The following ANKRD13A variants were observed in gnomAD, a reference collection of about 807,000 sequenced individuals.
The protein encoded by ANKRD13A is ankyrin repeat domain 13A.
Under a neutral mutation model 81.3 loss-of-function variants are expected in ANKRD13A, and 48 were observed. That is an observed-to-expected ratio of 0.59 (90% confidence interval 0.47 to 0.75). The LOEUF is 0.75. Among genes scored for constraint, ANKRD13A ranks in the 30% least tolerant of loss-of-function variants. The pLI is 0.00. For missense variants in ANKRD13A, 612 were observed against 734.0 expected (o/e 0.83, Z 1.92); for synonymous variants, 230 against 270.1 (o/e 0.85, Z 1.45).
rs967807666 is a variant in ANKRD13A, at chr12:110,013,192, C to T, written c.297C>T (p.Tyr99=). ...MVYTVLQHRD[Y]HNTSMALEGV... ...ACACAGTTCTCCAACATCGAGACTA[C>T]CACAACACATCCATGGCCCTTGAGG... Residue 99 remains tyrosine, a synonymous_variant, in exon 3 of 15, where the codon TAC becomes TAT. Transcript: ENST00000261739. 1.9e-6 allele frequency: 3 copies of T among 1,614,164 alleles called. No homozygotes were observed. The highest frequency in any genetic ancestry group is 2.5e-6 in the Non-Finnish European group (3 of 1,180,028).
rs374383170 is a variant in ANKRD13A at position 110,027,697 on chromosome 12, C to A, written c.884-8C>A. ...ATATTAGACTTTAAACTCCCTACCC[C>A]TCTGTAGCAGACAGGAACCCGCTGG... On this transcript the variant is annotated splice_polypyrimidine_tract_variant and splice_region_variant and intron_variant, in intron 8 of 14. Coordinates refer to ENST00000261739, the MANE Select transcript of ANKRD13A (RefSeq NM_033121.2). The A allele has an allele frequency of 1.2e-6, 2 of 1,613,900 alleles. No individual in the cohort carries two copies. The highest frequency in any genetic ancestry group is 1.3e-5 in the African/African-American group (1 of 74,914).
intron 1 of ANKRD13A, among the ~76,000 whole-genome samples, chr12:110,010,033 A>G (rs1890434186): frequency 2.0e-5 from 3 of 152,200 alleles, no homozygotes; most frequent in South Asian, 2.1e-4. Context: ...CGCCTGGCTA[A>G]TTTTTGTATT....
chr12:110,015,906 CTAATATT>C (rs961394049), intron 3 of ANKRD13A, among the ~76,000 whole-genome samples: 33 of 151,290 alleles, frequency 2.2e-4, no homozygotes, highest in African/African-American at 7.3e-4. Context: ...AAATAACACT[CTAATATT>C]TAATAAAATA....
chr12:110,001,319 GT>G (rs1183052180), intron 1 of ANKRD13A, among the ~76,000 whole-genome samples: 1 of 151,450 alleles, frequency 6.6e-6, no homozygotes, highest in Admixed American at 6.6e-5. Flanking sequence ...AATTGAGAAG[GT>G]TAGCATTACT....
rs891656544 is a variant in ANKRD13A, at chr12:109,999,998, A to G, written c.96+214A>G. 3.3e-5 allele frequency among the ~76,000 whole-genome samples: 5 copies of G among 152,048 alleles called. No homozygotes were observed. Among genetic ancestry groups the G allele is most frequent in the Non-Finnish European group, 5.9e-5 (4 of 68,010 alleles). On this transcript the variant is annotated intron_variant, in intron 1 of 14. Coordinates refer to ENST00000261739, the MANE Select transcript of ANKRD13A (RefSeq NM_033121.2). The surrounding 1 kb of genome is among the most constrained non-coding windows in gnomAD (Gnocchi z 4.3). Reference sequence around the variant, plus strand: ...ATCTTCTCTCTTCACCTTTCCAATAACGCTGGTGGGTAGGTACTGTTACTT... The same window carrying G: ...ATCTTCTCTCTTCACCTTTCCAATAGCGCTGGTGGGTAGGTACTGTTACTT...
intron 11 of ANKRD13A, among the ~76,000 whole-genome samples, chr12:110,030,166 T>C (rs1480212066): frequency 6.6e-6 from 1 of 151,962 alleles, no homozygotes; most frequent in African/African-American, 2.4e-5. Context: ...ACATAACTCA[T>C]TTTCTCTTTT....
At chr12:110,032,824 T>C (rs551791653) in intron 12 of ANKRD13A, 4 of 152,336 alleles carry the variant, frequency 2.6e-5, no homozygotes, top group African/African-American at 9.6e-5. Flanking sequence ...TAATGTTGAA[T>C]GAAGAAAATC....
chr12:110,018,442 C>T lies in ANKRD13A; in HGVS notation c.498C>T (p.Asn166=). 3 of 1,614,156 alleles carry T rather than the reference C, an allele frequency of 1.9e-6. No homozygotes were observed. Among genetic ancestry groups the T allele is most frequent in the Non-Finnish European group, 2.5e-6 (3 of 1,180,028 alleles). Residue 166 remains asparagine (N), a synonymous_variant, in exon 5 of 15, where the codon AAC becomes AAT. Coordinates refer to ENST00000261739, the MANE Select transcript of ANKRD13A (RefSeq NM_033121.2). This position sits in a 1 kb window ranked among gnomAD's most constrained non-coding sequence, Gnocchi z 4.4. The part of the protein sequence containing the change: ...RVDITLLGFE[N]MSWIRGRRSF... ...ATATCACATTGCTGGGATTTGAAAACATGAGCTGGATAAGAGGGAGGCGTA... is the reference window on the plus strand; with the variant it reads ...ATATCACATTGCTGGGATTTGAAAATATGAGCTGGATAAGAGGGAGGCGTA...
At position 110,013,114 on chromosome 12, in the gene ANKRD13A, T is replaced by C. The variant is rs1890613129; in HGVS notation, c.230-11T>C. 1 of 1,612,238 alleles carries C rather than the reference T, an allele frequency of 6.2e-7. No homozygotes were observed. ...AGTATGAGAATTAAATTTCACCCTT[T>C]TGTTTTCTAGTTTTACATGAGGCTG... is the stretch of plus-strand genomic sequence containing the variant. On this transcript the variant is annotated splice_polypyrimidine_tract_variant and intron_variant, in intron 2 of 14. Transcript: ENST00000261739.
chr12:110,023,758 A>G, intron 6 of ANKRD13A: 1 of 309,798 alleles, frequency 3.2e-6, no homozygotes, highest in Non-Finnish European at 6.0e-6. Flanking sequence ...CTGCTGTCCA[A>G]TAAATGTCAC....
In ANKRD13A at chr12:110,036,743, C is replaced by T. The variant is rs1409653058; in HGVS notation, c.1577+415C>T. On this transcript the variant is annotated intron_variant, in intron 14 of 14. Coordinates refer to ENST00000261739, the MANE Select transcript of ANKRD13A (RefSeq NM_033121.2). The surrounding 1 kb of genome is among the most constrained non-coding windows in gnomAD (Gnocchi z 4.6). ...CCAGCCTGGGCGATAGAGCGAGACT[C>T]CGTCTCAAAAAAAAAAAAGACTAAA... 6.6e-6 allele frequency among the ~76,000 whole-genome samples: 1 copy of T among 151,234 alleles called. No individual in the cohort carries two copies. The highest frequency in any genetic ancestry group is 2.4e-5 in the African/African-American group (1 of 40,840).
At chr12:110,021,051 T>C (rs910130135) in intron 6 of ANKRD13A, 1 of 444,014 alleles carries the variant, frequency 2.3e-6, no homozygotes, top group South Asian at 1.6e-5. Context: ...TGGGAAATGA[T>C]AGCATATTCC....
Position 110,018,544 on chromosome 12 carries a change from T to C in ANKRD13A, c.544+56T>C. ...TCAAGCAAAATTACAGGGTGATTTTTAACCAAGAAAATGCTTTCACATTCA... is the reference window on the plus strand; with the variant it reads ...TCAAGCAAAATTACAGGGTGATTTTCAACCAAGAAAATGCTTTCACATTCA... On this transcript the variant is annotated intron_variant, in intron 5 of 14. Coordinates refer to ENST00000261739, the MANE Select transcript of ANKRD13A (RefSeq NM_033121.2). The surrounding 1 kb of genome is among the most constrained non-coding windows in gnomAD (Gnocchi z 4.4). 1 of 1,579,570 alleles carries C rather than the reference T, an allele frequency of 6.3e-7. No homozygotes were observed. The highest frequency in any genetic ancestry group is 8.7e-7 in the Non-Finnish European group (1 of 1,155,916).
At chr12:110,016,471 A>G in intron 4 of ANKRD13A, 38 bp downstream of exon 4, 1 of 1,540,276 alleles carries the variant, frequency 6.5e-7, no homozygotes, top group African/African-American at 1.4e-5. Context: ...TTCTCTTTCT[A>G]AATTTACTTA....
chr12:110,012,027 G>A lies in ANKRD13A; in HGVS notation c.119G>A (p.Arg40Gln), dbSNP rs375280495. Residue 40 changes from arginine to glutamine, a missense_variant, in exon 2 of 15, where the codon CGA becomes CAA. Physicochemically the swap from Arg to Gln is conservative, Grantham distance 43. Coordinates refer to ENST00000261739, the MANE Select transcript of ANKRD13A (RefSeq NM_033121.2). ...QGQNVEAVDP[R>Q]GRTLLHLAVS... is the part of the protein sequence containing the mutation. ...CAGAATGTGGAGGCTGTGGACCCAC[G>A]AGGTCGAACATTATTGCATCTTGCT... The A allele has an allele frequency of 1.0e-4, 166 of 1,608,580 alleles. No individual in the cohort carries two copies. The highest frequency in any genetic ancestry group is 1.3e-4 in the Non-Finnish European group (156 of 1,175,480).
chr12:110,019,962 G>A (rs935144024), intron 6 of ANKRD13A, among the ~76,000 whole-genome samples: 3 of 152,188 alleles, frequency 2.0e-5, no homozygotes, highest in Admixed American at 1.3e-4. Flanking sequence ...GGCATGGGGG[G>A]GCCTTTGAGT....
chr12:110,023,775 T>C (rs1288055818), intron 6 of ANKRD13A: 1 of 361,748 alleles, frequency 2.8e-6, no homozygotes, highest in Non-Finnish European at 5.0e-6. Context: ...TCACCACCTT[T>C]GTCCTCAATG....
At chr12:110,008,357 A>G (rs1310812559) in intron 1 of ANKRD13A, among the ~76,000 whole-genome samples, 1 of 152,230 alleles carries the variant, frequency 6.6e-6, no homozygotes, top group Non-Finnish European at 1.5e-5. Flanking sequence ...TCAGTTGGTC[A>G]TAGTGTATAA....
At chr12:110,026,287 T>C (rs918533049) in intron 8 of ANKRD13A, among the ~76,000 whole-genome samples, 2 of 149,426 alleles carry the variant, frequency 1.3e-5, no homozygotes, top group Non-Finnish European at 3.0e-5. Context: ...TTTATAAAAA[T>C]TTCTGGCCAG....
Sources: allele counts gnomAD v4.1 joint callset (sites outside exome capture counted in the v4.1 genomes callset), GRCh38; gene constraint gnomAD v4.1.1; non-coding constraint Gnocchi (gnomAD v3.1); transcripts MANE v1.5; gene names NCBI Gene and HGNC (gene_info 2026-07-23, HGNC 2026-07-21).